The following NELL1 variants were observed in gnomAD, a reference collection of about 807,000 sequenced individuals.
NELL1 encodes neural EGFL like 1, also known as protein kinase C-binding protein NELL1.
Under a neutral mutation model 107.4 loss-of-function variants are expected in NELL1, and 76 were observed. That is an observed-to-expected ratio of 0.71 (90% CI 0.59 to 0.86). The LOEUF is 0.86. Among genes scored for constraint, NELL1 ranks in the 40% least tolerant of loss-of-function variants. The pLI, the probability that NELL1 is intolerant of heterozygous loss-of-function variation, is 0.00. For missense variants in NELL1, 1,024 were observed against 1,005.5 expected (o/e 1.02, Z -0.25); for synonymous variants, 353 against 341.2 (o/e 1.03, Z -0.38).
chr11:21,574,774 C>T (rs944072962), intron 19 of NELL1, among the ~76,000 whole-genome samples, 198 bp from the exon 20 acceptor site: 1 of 151,776 alleles, frequency 6.6e-6, no homozygotes, highest in African/African-American at 2.4e-5. Context: ...GTGAGCAGTA[C>T]CCTGGAGGGT....
intron 13 of NELL1, among the ~76,000 whole-genome samples, chr11:21,181,008 G>A (rs1216919677): frequency 1.3e-5 from 2 of 151,724 alleles, no homozygotes; most frequent in African/African-American, 4.9e-5. Flanking sequence ...TTCTAAAAAT[G>A]AGGATGCTCG....
At chr11:20,703,043 T>C (rs1173002907) in intron 2 of NELL1, among the ~76,000 whole-genome samples, 1 of 152,134 alleles carries the variant, frequency 6.6e-6, no homozygotes, top group Non-Finnish European at 1.5e-5. Flanking sequence ...GATTCCCTCT[T>C]TTTTCTATTG....
At chr11:20,733,125 T>A (rs1297844379) in intron 2 of NELL1, among the ~76,000 whole-genome samples, 3 of 152,184 alleles carry the variant, frequency 2.0e-5, no homozygotes, top group Non-Finnish European at 2.9e-5. Context: ...TATCCAAGTG[T>A]GTTAGCTCCC....
intron 5 of NELL1, among the ~76,000 whole-genome samples, chr11:20,899,490 T>C (rs144025395): frequency 6.6e-6 from 1 of 152,296 alleles, no homozygotes; most frequent in East Asian, 1.9e-4. Context: ...TTCTTAGCAG[T>C]ATTTATCTTT....
intron 14 of NELL1, among the ~76,000 whole-genome samples, chr11:21,341,585 A>G (rs941431585): frequency 6.6e-6 from 1 of 152,184 alleles, no homozygotes; most frequent in Non-Finnish European, 1.5e-5. Context: ...TGGAGGGTAA[A>G]GAAGGATAAT....
intron 15 of NELL1, among the ~76,000 whole-genome samples, chr11:21,449,439 G>C (rs1038730799): frequency 2.0e-5 from 3 of 152,104 alleles, no homozygotes; most frequent in African/African-American, 7.2e-5. Flanking sequence ...CTTTTGAGAG[G>C]TTATTATAGA....
Position 21,230,664 on chromosome 11 carries a change from G to A in NELL1, c.1549+1210G>A, listed in dbSNP as rs150399006. Among the ~76,000 whole-genome samples the A allele has an allele frequency of 6.9e-3, 1,055 of 152,304 alleles. 12 individuals are homozygous for A. The highest frequency in any genetic ancestry group is 0.024 in the African/African-American group (1,016 of 41,570). On this transcript the variant is annotated intron_variant, in intron 14 of 19. Coordinates refer to ENST00000357134, the MANE Select transcript of NELL1 (RefSeq NM_006157.5). ...TCTGCAGGGATGAAATGCTGGTAAT[G>A]AGTGAAAAATAATTTACAACGACTA... is the stretch of plus-strand genomic sequence containing the variant.
intron 9 of NELL1, among the ~76,000 whole-genome samples, chr11:20,932,648 C>G: frequency 6.6e-6 from 1 of 152,098 alleles, no homozygotes; most frequent in Admixed American, 6.6e-5. Context: ...TGGTAGGGTC[C>G]GCTATTATCC....
At chr11:20,997,591 A>T (rs569127893) in intron 12 of NELL1, among the ~76,000 whole-genome samples, 245 of 152,314 alleles carry the variant, frequency 1.6e-3, no homozygotes, top group African/African-American at 5.4e-3. Context: ...TAAGATGTTA[A>T]TATAAGGGGA....
At chr11:21,447,914 A>G (rs943385136) in intron 15 of NELL1, among the ~76,000 whole-genome samples, 28 of 152,130 alleles carry the variant, frequency 1.8e-4, no homozygotes, top group African/African-American at 6.3e-4. Flanking sequence ...GACCACTGCA[A>G]TGAGCATTTC....
intron 18 of NELL1, 102 bp from the exon 19 acceptor site, chr11:21,573,083 T>C (rs1857140848): frequency 3.6e-6 from 3 of 837,886 alleles, no homozygotes; most frequent in Non-Finnish European, 5.8e-6. Flanking sequence ...CTAGAAATAT[T>C]CAGTGATGAG....
At chr11:20,752,252 A>G (rs1292808797) in intron 2 of NELL1, among the ~76,000 whole-genome samples, 2 of 152,158 alleles carry the variant, frequency 1.3e-5, no homozygotes, top group Non-Finnish European at 2.9e-5. Context: ...TGAGAGATTT[A>G]AAAAATAAAA....
intron 13 of NELL1, among the ~76,000 whole-genome samples, chr11:21,207,003 A>G (rs1857403997): frequency 6.6e-6 from 1 of 152,214 alleles, no homozygotes; most frequent in Non-Finnish European, 1.5e-5. Flanking sequence ...CCATTACATA[A>G]AACCCAAGTT....
intron 12 of NELL1, among the ~76,000 whole-genome samples, chr11:21,094,353 T>C (rs984121151): frequency 6.6e-6 from 1 of 152,246 alleles, no homozygotes; most frequent in Non-Finnish European, 1.5e-5. Flanking sequence ...TTTCACAGGC[T>C]GGCATTGAGT....
At chr11:21,438,268 T>TTG (rs762481654) in intron 15 of NELL1, among the ~76,000 whole-genome samples, 20 of 147,862 alleles carry the variant, frequency 1.4e-4, no homozygotes, top group South Asian at 2.1e-4. Context: ...AGTTTTTTTG[T>TTG]TTGTTTGTTT....
intron 15 of NELL1, among the ~76,000 whole-genome samples, chr11:21,504,536 T>A (rs1365846175): frequency 6.6e-6 from 1 of 152,184 alleles, no homozygotes; most frequent in Non-Finnish European, 1.5e-5. Context: ...CAGGGTGCCT[T>A]TGTAATTTTG....
chr11:21,211,203 C>T (rs1462102960), intron 13 of NELL1, among the ~76,000 whole-genome samples: 1 of 152,098 alleles, frequency 6.6e-6, no homozygotes, highest in African/African-American at 2.4e-5. Flanking sequence ...AATTGCCTCA[C>T]TCAAGGAAAT....
At chr11:20,799,716 A>G (rs1381469138) in intron 3 of NELL1, among the ~76,000 whole-genome samples, 1 of 152,204 alleles carries the variant, frequency 6.6e-6, no homozygotes, top group African/African-American at 2.4e-5. Context: ...CAGGGAGTAC[A>G]TGCACAGAGT....
At chr11:21,045,865 A>G (rs1476810721) in intron 12 of NELL1, among the ~76,000 whole-genome samples, 1 of 152,146 alleles carries the variant, frequency 6.6e-6, no homozygotes, top group Non-Finnish European at 1.5e-5. Flanking sequence ...AATACTCTTG[A>G]GTCTCTAGGT....
Sources: allele counts gnomAD v4.1 joint callset (sites outside exome capture counted in the v4.1 genomes callset), GRCh38; gene constraint gnomAD v4.1.1; transcripts MANE v1.5; gene names NCBI Gene and HGNC (gene_info 2026-07-23, HGNC 2026-07-21).